The following IQSEC1 variants were observed in gnomAD, a reference collection of about 807,000 sequenced individuals.
IQSEC1 encodes IQ motif and Sec7 domain ArfGEF 1.
IQSEC1 carries 31 observed loss-of-function variants against 91.0 expected under a neutral mutation model. That is an observed-to-expected ratio of 0.34 (90% CI 0.26 to 0.46). IQSEC1 has a LOEUF of 0.46. Ranked by LOEUF, IQSEC1 falls within the 20% of genes least tolerant of loss-of-function variation. The probability of loss-of-function intolerance (pLI) is 1.00; values close to 1 mark genes in which losing one functional copy is unlikely to be tolerated. For synonymous variants in IQSEC1, 699 were observed against 662.6 expected, an observed-to-expected ratio of 1.05 and a Z score of -0.84; for missense variants, 1,388 against 1,575.6, an observed-to-expected ratio of 0.88 and a Z score of 2.02.
In IQSEC1 at chr3:12,983,651, G is replaced by T. The variant is rs1701579285; in HGVS notation, c.24-41786C>A. ...ACCTTCTTGGCTCAGCTCCTTCAGGGACGCCTGGGCTGACCTCACAGGCCA... is the reference window on the plus strand; with the variant it reads ...ACCTTCTTGGCTCAGCTCCTTCAGGTACGCCTGGGCTGACCTCACAGGCCA... On this transcript the variant is annotated intron_variant, in intron 1 of 13. Transcript: ENST00000613206. This position sits in a 1 kb window ranked among gnomAD's most constrained non-coding sequence, Gnocchi z 4.3. Among the ~76,000 whole-genome samples the T allele has an allele frequency of 6.6e-6, 1 of 152,154 alleles. No individual in the cohort carries two copies. Among genetic ancestry groups the T allele is most frequent in the Non-Finnish European group, 1.5e-5 (1 of 68,022 alleles).
chr3:13,249,097 C>T (rs979314422), intron 1 of IQSEC1, among the ~76,000 whole-genome samples: 8 of 152,062 alleles, frequency 5.3e-5, no homozygotes, highest in Middle Eastern at 3.4e-3. Flanking sequence ...CTCAGCTCTA[C>T]CTCTCAAAGG....
chr3:12,988,482 T>C (rs112486923), intron 1 of IQSEC1, among the ~76,000 whole-genome samples: 2,113 of 152,278 alleles, frequency 0.014, 36 homozygotes, highest in South Asian at 0.087. Flanking sequence ...ACTTATTGCA[T>C]AGGTGAATCT....
chr3:12,948,859 C>A (rs374338735), intron 1 of IQSEC1, among the ~76,000 whole-genome samples: 1 of 152,192 alleles, frequency 6.6e-6, no homozygotes, highest in African/African-American at 2.4e-5. Context: ...CCAGGACGCC[C>A]GAACACTTGC....
At chr3:13,245,765 T>TA (rs1559285414) in intron 1 of IQSEC1, among the ~76,000 whole-genome samples, 6 of 106,576 alleles carry the variant, frequency 5.6e-5, no homozygotes, top group African/African-American at 3.6e-4. Context: ...AGACCCTGTT[T>TA]CAAAAAAAAA....
chr3:12,938,249 G>A (rs1204079561), intron 2 of IQSEC1, among the ~76,000 whole-genome samples: 1 of 152,244 alleles, frequency 6.6e-6, no homozygotes, highest in Non-Finnish European at 1.5e-5. Flanking sequence ...GAGGTGGAAT[G>A]GGAGGCATGG....
intron 2 of IQSEC1, among the ~76,000 whole-genome samples, chr3:13,162,248 G>A (rs1467102559): frequency 6.6e-6 from 1 of 152,218 alleles, no homozygotes; most frequent in Non-Finnish European, 1.5e-5. Context: ...TGCCTTCTTG[G>A]AAGACAGAGG....
intron 2 of IQSEC1, among the ~76,000 whole-genome samples, chr3:13,081,712 G>A (rs918029956): frequency 3.9e-5 from 6 of 152,256 alleles, no homozygotes; most frequent in Non-Finnish European, 8.8e-5. Flanking sequence ...AGGAGGCTGG[G>A]ATTCTGCAGG....
intron 1 of IQSEC1, among the ~76,000 whole-genome samples, chr3:12,965,848 T>A (rs371964052): frequency 1.1e-4 from 17 of 152,254 alleles, no homozygotes; most frequent in African/African-American, 4.1e-4. Flanking sequence ...AGCACGCTAA[T>A]GGTTTCTTGT....
chr3:13,068,171 C>T (rs360863), intron 1 of IQSEC1, among the ~76,000 whole-genome samples: 5,870 of 152,366 alleles, frequency 0.039, 181 homozygotes, highest in Non-Finnish European at 0.059. Flanking sequence ...CCAGGCCTTA[C>T]GCTTCCTCTG....
chr3:13,106,259 C>G (rs1706150084), intron 2 of IQSEC1, among the ~76,000 whole-genome samples: 1 of 152,286 alleles, frequency 6.6e-6, no homozygotes, highest in Admixed American at 6.5e-5. Context: ...CCCTCCCCAG[C>G]ACCTTCCTGG....
chr3:12,934,329 C>G (rs1346696809), intron 3 of IQSEC1, among the ~76,000 whole-genome samples: 3 of 152,198 alleles, frequency 2.0e-5, no homozygotes, highest in Non-Finnish European at 2.9e-5. Context: ...AGAGGCTCTT[C>G]CTGAGACAGG....
At chr3:13,201,416 G>A (rs902821790) in intron 1 of IQSEC1, among the ~76,000 whole-genome samples, 1 of 152,150 alleles carries the variant, frequency 6.6e-6, no homozygotes, top group Non-Finnish European at 1.5e-5. Flanking sequence ...CTGCAGCCTC[G>A]AACTCCTGGG....
chr3:13,098,346 A>G (rs1487489192), intron 2 of IQSEC1, among the ~76,000 whole-genome samples: 1 of 152,186 alleles, frequency 6.6e-6, no homozygotes, highest in Non-Finnish European at 1.5e-5. Context: ...AATCTAACTT[A>G]GCATTGGGAA....
intron 2 of IQSEC1, among the ~76,000 whole-genome samples, chr3:13,154,434 CATGCATAT>C (rs1559265434): frequency 3.4e-5 from 1 of 29,306 alleles, no homozygotes; most frequent in African/African-American, 1.1e-4. Flanking sequence ...CTGGAACTTA[CATGCATAT>C]ATATATATAT....
rs560014859 is a variant in IQSEC1 at position 12,994,449 on chromosome 3, G to T, written c.24-52584C>A. Among the ~76,000 whole-genome samples the T allele has an allele frequency of 4.3e-4, 66 of 152,106 alleles. 1 individual carries two copies. The highest frequency in any genetic ancestry group is 1.5e-3 in the African/African-American group (64 of 41,512). ...CTCAGGTCGGTGCAGCCGCTGCAGC[G>T]GATGGGTCAGGAGAGCGGGGTACGC... On this transcript the variant is annotated intron_variant, in intron 1 of 13. Transcript: ENST00000613206. This position sits in a 1 kb window ranked among gnomAD's most constrained non-coding sequence, Gnocchi z 4.5.
intron 2 of IQSEC1, among the ~76,000 whole-genome samples, chr3:13,141,809 G>A (rs1378629603): frequency 6.6e-6 from 1 of 152,200 alleles, no homozygotes; most frequent in Admixed American, 6.5e-5. Flanking sequence ...GGAAGGACAG[G>A]GAGGTGGATG....
At chr3:13,246,058 T>C (rs1435914507) in intron 1 of IQSEC1, among the ~76,000 whole-genome samples, 1 of 152,220 alleles carries the variant, frequency 6.6e-6, no homozygotes, top group East Asian at 1.9e-4. Flanking sequence ...AATAGGTGTT[T>C]TCTCTTTCAG....
intron 1 of IQSEC1, among the ~76,000 whole-genome samples, chr3:12,999,827 T>C (rs1702353036): frequency 6.6e-6 from 1 of 152,188 alleles, no homozygotes; most frequent in Non-Finnish European, 1.5e-5. Context: ...CCTCAATTTG[T>C]CCCTTCTAGC....
At chr3:13,022,457 A>G (rs1236047255) in intron 1 of IQSEC1, 3 of 1,012,810 alleles carry the variant, frequency 3.0e-6, no homozygotes, top group Non-Finnish European at 3.5e-6. Context: ...GCTGCAGGCC[A>G]GGGGAGCAGT....
Sources: gnomAD v4.1 joint callset for allele counts (sites outside exome capture counted in the v4.1 genomes callset) on GRCh38, gnomAD v4.1.1 for gene constraint, Gnocchi (gnomAD v3.1) non-coding constraint, MANE v1.5 for transcripts, NCBI Gene and HGNC (gene_info 2026-07-23, HGNC 2026-07-21) for gene names.